UBE2E2: variants seen among roughly 807,000 people sequenced by gnomAD.
The protein encoded by UBE2E2 is ubiquitin conjugating enzyme E2 E2.
In UBE2E2, 6 loss-of-function variants were observed where a neutral mutation model predicts 24.7. The observed-to-expected ratio is 0.24, with a 90% CI of 0.13 to 0.48. The LOEUF (loss-of-function observed/expected upper bound fraction) is 0.48. Ranked by LOEUF, UBE2E2 falls within the 20% of genes least tolerant of loss-of-function variation. UBE2E2 has a pLI of 0.99. For synonymous variants in UBE2E2, 104 were observed against 83.6 expected, an observed-to-expected ratio of 1.24 and a Z score of -1.33; for missense variants, 169 against 245.0, an observed-to-expected ratio of 0.69 and a Z score of 2.07.
At chr3:23,291,849 ATTTTTTTTTTT>A (rs57708620) in intron 3 of UBE2E2, among the ~76,000 whole-genome samples, 11 of 64,036 alleles carry the variant, frequency 1.7e-4, no homozygotes, top group African/African-American at 6.4e-4. Context: ...TGCCCGGCTA[ATTTTTTTTTTT>A]TTTTTTTTTT....
At chr3:23,254,278 C>G (rs1489585421) in intron 3 of UBE2E2, among the ~76,000 whole-genome samples, 1 of 152,084 alleles carries the variant, frequency 6.6e-6, no homozygotes, top group Admixed American at 6.5e-5. Context: ...TTAAATATGC[C>G]AACTGATGCT....
rs1255645471 is a variant in UBE2E2 at position 23,231,590 on chromosome 3, T to C, written c.227+14278T>C. On this transcript the variant is annotated intron_variant, in intron 3 of 5. Transcript: ENST00000396703. ...AGCAATTGAATCAGTGTCCACAAAT[T>C]CAATTCTGACACTCTCTACCTGGAG... Among the ~76,000 whole-genome samples, 4 of 152,288 alleles carry C rather than the reference T, an allele frequency of 2.6e-5. No homozygotes were observed. In the East Asian group the frequency reaches 7.7e-4, roughly 29 times the overall value.
intron 3 of UBE2E2, among the ~76,000 whole-genome samples, chr3:23,244,135 G>GAA (rs11381346): frequency 5.4e-4 from 80 of 146,982 alleles, no homozygotes; most frequent in Middle Eastern, 3.6e-3. Flanking sequence ...ATTTCATTTG[G>GAA]AAAAAAAAAA....
chr3:23,352,241 G>C lies in UBE2E2; in HGVS notation c.227+134929G>C, dbSNP rs1336097603. 2.0e-5 allele frequency among the ~76,000 whole-genome samples: 3 copies of C among 151,498 alleles called. No individual in the cohort carries two copies. The East Asian group carries it at 5.9e-4, about 30-fold the overall frequency. On this transcript the variant is annotated intron_variant, in intron 3 of 5. Coordinates refer to ENST00000396703, the MANE Select transcript of UBE2E2 (RefSeq NM_152653.4). ...TGGGACACATTCAAAGCAGTGTGTA[G>C]AGGGAAATTTATAGCACTAAATGCC...
rs3087043 is a variant in UBE2E2 at position 23,400,607 on chromosome 3, A to AACACACACACACACACACACACAC, written c.228-98989_228-98966dup. On this transcript the variant is annotated intron_variant, in intron 3 of 5. Coordinates refer to ENST00000396703, the MANE Select transcript of UBE2E2 (RefSeq NM_152653.4). The stretch of plus-strand genomic sequence containing the variant: ...GGTGGACAGAGAGGAGAATAAATGA[A>AACACACACACACACACACACACAC]ACACACACACACACACACACACACA... Among the ~76,000 whole-genome samples, 7 of 137,834 alleles carry AACACACACACACACACACACACAC rather than the reference A, an allele frequency of 5.1e-5. No individual in the cohort carries two copies. The East Asian group carries it at 1.5e-3, about 30-fold the overall frequency. 90.4% of individuals were successfully genotyped at this position (137,834 alleles called of 152,430 possible).
At chr3:23,352,435 G>A (rs944907224) in intron 3 of UBE2E2, among the ~76,000 whole-genome samples, 10 of 152,120 alleles carry the variant, frequency 6.6e-5, no homozygotes, top group African/African-American at 1.7e-4. Flanking sequence ...AAAAAGTAAT[G>A]AATCCAGGAG....
chr3:23,483,092 C>T (rs1699290157), intron 3 of UBE2E2, among the ~76,000 whole-genome samples: 1 of 152,190 alleles, frequency 6.6e-6, no homozygotes, highest in Non-Finnish European at 1.5e-5. Context: ...CTAATGTTGA[C>T]ACCATTTAGT....
At chr3:23,249,976 A>G (rs2125344818) in intron 3 of UBE2E2, among the ~76,000 whole-genome samples, 2 of 152,342 alleles carry the variant, frequency 1.3e-5, no homozygotes, top group South Asian at 2.1e-4. Context: ...TTAAGAATAC[A>G]TATTCTTGAA....
At chr3:23,448,644 A>G (rs1698487730) in intron 3 of UBE2E2, among the ~76,000 whole-genome samples, 1 of 152,172 alleles carries the variant, frequency 6.6e-6, no homozygotes, top group African/African-American at 2.4e-5. Context: ...GAGGGTGATA[A>G]TTTGTAATTC....
intron 3 of UBE2E2, among the ~76,000 whole-genome samples, chr3:23,454,515 G>A (rs867908444): frequency 2.6e-5 from 4 of 152,100 alleles, no homozygotes; most frequent in Admixed American, 2.0e-4. Context: ...AGAACTTTAA[G>A]ACAAAAATTA....
chr3:23,473,805 T>C (rs554411952), intron 3 of UBE2E2, among the ~76,000 whole-genome samples: 11 of 152,276 alleles, frequency 7.2e-5, no homozygotes, highest in Admixed American at 5.2e-4. Context: ...CACGCATTGA[T>C]TGTGGACATT....
intron 3 of UBE2E2, among the ~76,000 whole-genome samples, chr3:23,403,231 T>G (rs1697273863): frequency 6.6e-6 from 1 of 152,238 alleles, no homozygotes; most frequent in Admixed American, 6.5e-5. Flanking sequence ...ACACCACCCC[T>G]GTGGGCAGAA....
At chr3:23,324,780 G>A (rs1312875842) in intron 3 of UBE2E2, among the ~76,000 whole-genome samples, 1 of 138,520 alleles carries the variant, frequency 7.2e-6, no homozygotes, top group Non-Finnish European at 1.6e-5. Flanking sequence ...ACCTCTCTTG[G>A]AGAAAAGAAT....
intron 3 of UBE2E2, among the ~76,000 whole-genome samples, chr3:23,282,560 G>T (rs1027403994): frequency 1.3e-5 from 2 of 152,124 alleles, no homozygotes; most frequent in African/African-American, 4.8e-5. Flanking sequence ...AAATAAAATT[G>T]CTTTGTATGC....
At chr3:23,367,521 G>A (rs981231988) in intron 3 of UBE2E2, among the ~76,000 whole-genome samples, 3 of 152,156 alleles carry the variant, frequency 2.0e-5, no homozygotes, top group Non-Finnish European at 2.9e-5. Context: ...GACTGATCAC[G>A]CAGAGGGTGG....
chr3:23,540,571 A>G (rs575539058), intron 5 of UBE2E2, among the ~76,000 whole-genome samples: 73 of 152,122 alleles, frequency 4.8e-4, no homozygotes, highest in Non-Finnish European at 8.8e-4. Context: ...CGCCCAGCTA[A>G]TTTTTGGATT....
At chr3:23,355,690 T>C (rs1412092940) in intron 3 of UBE2E2, among the ~76,000 whole-genome samples, 1 of 152,188 alleles carries the variant, frequency 6.6e-6, no homozygotes, top group Non-Finnish European at 1.5e-5. Context: ...AAGTTTAAAT[T>C]ATAAATTACT....
At chr3:23,362,242 G>T (rs964546214) in intron 3 of UBE2E2, among the ~76,000 whole-genome samples, 4 of 152,140 alleles carry the variant, frequency 2.6e-5, no homozygotes, top group Non-Finnish European at 5.9e-5. Flanking sequence ...ATCTATCTGG[G>T]CTCAGTGTGG....
At chr3:23,580,611 A>G (rs1381316265) in intron 5 of UBE2E2, among the ~76,000 whole-genome samples, 1 of 152,214 alleles carries the variant, frequency 6.6e-6, no homozygotes, top group Non-Finnish European at 1.5e-5. Context: ...GACCTGTAAC[A>G]TTTCCAAGGT....
Sources: allele counts gnomAD v4.1 joint callset (sites outside exome capture counted in the v4.1 genomes callset), GRCh38; gene constraint gnomAD v4.1.1; transcripts MANE v1.5; gene names NCBI Gene and HGNC (gene_info 2026-07-23, HGNC 2026-07-21).